Variants in GALNTL6 observed in about 807,000 individuals in gnomAD.
The protein encoded by GALNTL6 is polypeptide N-acetylgalactosaminyltransferase-like 6.
Under a neutral mutation model 73.7 loss-of-function variants are expected in GALNTL6, and 46 were observed. The observed-to-expected ratio is 0.62, with a 90% CI of 0.49 to 0.80. The LOEUF (loss-of-function observed/expected upper bound fraction) is 0.80, where lower values mean the gene tolerates loss of function less well. GALNTL6 is among the 30% of genes least tolerant of loss of function. GALNTL6 has a pLI of 0.00. For missense variants in GALNTL6, 604 were observed against 755.0 expected (o/e 0.80, Z 2.34); for synonymous variants, 259 against 263.7 (o/e 0.98, Z 0.17).
intron 8 of GALNTL6, among the ~76,000 whole-genome samples, chr4:172,919,763 G>A (rs1478526271): frequency 2.6e-5 from 4 of 152,122 alleles, no homozygotes; most frequent in Non-Finnish European, 5.9e-5. Context: ...GCAGAATAAT[G>A]AATTAAGGGA....
intron 2 of GALNTL6, among the ~76,000 whole-genome samples, chr4:172,011,358 T>C (rs890366937): frequency 6.6e-6 from 1 of 152,100 alleles, no homozygotes; most frequent in Non-Finnish European, 1.5e-5. Context: ...GGCTTAGTAA[T>C]AGAAAACAGG....
chr4:172,462,485 T>C (rs1263898776), intron 5 of GALNTL6, among the ~76,000 whole-genome samples: 2 of 152,190 alleles, frequency 1.3e-5, no homozygotes, highest in African/African-American at 4.8e-5. Flanking sequence ...TCTGATGTGT[T>C]TTCCAATCTT....
intron 5 of GALNTL6, among the ~76,000 whole-genome samples, chr4:172,789,852 C>G (rs955166416): frequency 1.3e-5 from 2 of 152,138 alleles, no homozygotes; most frequent in Admixed American, 6.5e-5. Context: ...TTTCCTAAGG[C>G]CTAACACACC....
At chr4:171,882,502 G>A (rs1051804468) in intron 2 of GALNTL6, among the ~76,000 whole-genome samples, 1 of 152,328 alleles carries the variant, frequency 6.6e-6, no homozygotes, top group Admixed American at 6.5e-5. Flanking sequence ...GCCAGTGATG[G>A]ATCAGTATGA....
At chr4:172,709,985 TA>T (rs1734599687) in intron 5 of GALNTL6, among the ~76,000 whole-genome samples, 2 of 152,024 alleles carry the variant, frequency 1.3e-5, no homozygotes, top group African/African-American at 4.8e-5. Context: ...TGATGAACAC[TA>T]AAAGGTTAAA....
At chr4:172,403,463 T>C (rs1744111634) in intron 5 of GALNTL6, among the ~76,000 whole-genome samples, 1 of 152,014 alleles carries the variant, frequency 6.6e-6, no homozygotes, top group Admixed American at 6.6e-5. Context: ...AACTAACGTA[T>C]CAAATAAACT....
intron 5 of GALNTL6, among the ~76,000 whole-genome samples, chr4:172,799,871 C>T (rs965807924): frequency 6.6e-6 from 1 of 152,074 alleles, no homozygotes; most frequent in Non-Finnish European, 1.5e-5. Context: ...AACCAAAATG[C>T]CCACCAACTG....
At chr4:172,921,656 G>A (rs965728824) in intron 8 of GALNTL6, among the ~76,000 whole-genome samples, 9 of 151,904 alleles carry the variant, frequency 5.9e-5, no homozygotes, top group Non-Finnish European at 1.2e-4. Context: ...TCAGCTGGGT[G>A]CGGCGGTGGG....
At chr4:172,020,375 CT>C (rs35809503) in intron 2 of GALNTL6, among the ~76,000 whole-genome samples, 29,862 of 142,552 alleles carry the variant, frequency 0.21, 3,635 homozygotes, top group African/African-American at 0.36. Flanking sequence ...CAAAAGGTTG[CT>C]TTTTTTTTTT....
chr4:172,668,484 G>A (rs1731791999), intron 5 of GALNTL6: 1 of 152,014 alleles, frequency 6.6e-6, no homozygotes. Context: ...CCATGAAGAG[G>A]TTTAATTTAA....
At chr4:171,849,820 G>A (rs540176957) in intron 2 of GALNTL6, among the ~76,000 whole-genome samples, 3 of 152,302 alleles carry the variant, frequency 2.0e-5, no homozygotes, top group African/African-American at 7.2e-5. Context: ...AGGAGGGGTT[G>A]GGGCAGGAGC....
intron 2 of GALNTL6, among the ~76,000 whole-genome samples, chr4:172,020,581 AATACAT>A (rs1041113284): frequency 6.6e-5 from 10 of 152,018 alleles, no homozygotes; most frequent in African/African-American, 2.4e-4. Context: ...AAAATTCCCA[AATACAT>A]ACACCTACCG....
At chr4:172,632,525 T>G (rs1739443577) in intron 5 of GALNTL6, among the ~76,000 whole-genome samples, 1 of 151,914 alleles carries the variant, frequency 6.6e-6, no homozygotes, top group South Asian at 2.1e-4. Flanking sequence ...TTGAGAGAGA[T>G]AATTTAAGGT....
chr4:172,166,710 A>T (rs1352072475), intron 2 of GALNTL6, among the ~76,000 whole-genome samples: 1 of 152,208 alleles, frequency 6.6e-6, no homozygotes, highest in African/African-American at 2.4e-5. Flanking sequence ...GAGCTTTTAC[A>T]AACCAATTGC....
intron 2 of GALNTL6, among the ~76,000 whole-genome samples, chr4:172,120,454 CT>C (rs1211614417): frequency 2.0e-5 from 3 of 152,032 alleles, no homozygotes; most frequent in East Asian, 3.9e-4. Context: ...GCCTTTATCC[CT>C]TTTTTTTCTC....
At chr4:172,915,452 T>C (rs1486600054) in intron 8 of GALNTL6, among the ~76,000 whole-genome samples, 2 of 152,016 alleles carry the variant, frequency 1.3e-5, no homozygotes, top group African/African-American at 4.8e-5. Context: ...ATTCAATGAA[T>C]CCAGCAGCTG....
At chr4:172,148,374 A>G (rs1733982351) in intron 2 of GALNTL6, among the ~76,000 whole-genome samples, 1 of 152,098 alleles carries the variant, frequency 6.6e-6, no homozygotes, top group Non-Finnish European at 1.5e-5. Flanking sequence ...AATTTGACAG[A>G]CTCTTAAACT....
At chr4:172,022,153 A>G (rs1741425763) in intron 2 of GALNTL6, among the ~76,000 whole-genome samples, 1 of 152,054 alleles carries the variant, frequency 6.6e-6, no homozygotes, top group African/African-American at 2.4e-5. Context: ...GAGACAACCT[A>G]CAGACTGGGA....
chr4:172,596,840 G>T (rs1316804282), intron 5 of GALNTL6, among the ~76,000 whole-genome samples: 1 of 151,952 alleles, frequency 6.6e-6, no homozygotes, highest in East Asian at 1.9e-4. Context: ...ATATATATAG[G>T]ATATCATTAT....
Sources: gnomAD v4.1 joint callset for allele counts (sites outside exome capture counted in the v4.1 genomes callset) on GRCh38, gnomAD v4.1.1 for gene constraint, MANE v1.5 for transcripts, NCBI Gene and HGNC (gene_info 2026-07-23, HGNC 2026-07-21) for gene names.